PACS2: variants seen among roughly 807,000 people sequenced by gnomAD.
PACS2 encodes phosphofurin acidic cluster sorting protein 2.
Under a neutral mutation model 113.0 loss-of-function variants are expected in PACS2, and 36 were observed. The ratio of observed to expected loss-of-function variants is 0.32; its 90% CI spans 0.24 to 0.42. PACS2 has a LOEUF of 0.42. PACS2 is among the 10% of genes least tolerant of loss of function. PACS2 has a pLI of 1.00. For synonymous variants in PACS2, 589 were observed against 536.1 expected (o/e 1.10, Z -1.36); for missense variants, 1,015 against 1,239.5 (o/e 0.82, Z 2.72).
chr14:105,324,167 T>A lies in PACS2; in HGVS notation c.119+9130T>A, dbSNP rs1316056793. ...CTGCCCAGCATTCTCAGCATGCGTC[T>A]CAGGAAGGTTTGATGGAGTGGGCAG... On this transcript the variant is annotated intron_variant, in intron 1 of 24. Coordinates refer to ENST00000447393, the MANE Select transcript of PACS2 (RefSeq NM_001100913.3). This position sits in a 1 kb window ranked among gnomAD's most constrained non-coding sequence, Gnocchi z 4.7. Among the ~76,000 whole-genome samples the A allele has an allele frequency of 6.6e-6, 1 of 152,140 alleles. No homozygotes were observed. Among genetic ancestry groups the A allele is most frequent in the Non-Finnish European group, 1.5e-5 (1 of 68,020 alleles).
At chr14:105,325,044 C>T (rs1048254049) in intron 1 of PACS2, among the ~76,000 whole-genome samples, 1 of 152,126 alleles carries the variant, frequency 6.6e-6, no homozygotes, top group African/African-American at 2.4e-5. Flanking sequence ...CCTCAGCACC[C>T]CCTGGCCAAG....
intron 4 of PACS2, among the ~76,000 whole-genome samples, chr14:105,364,128 A>G (rs1269792523): frequency 4.7e-5 from 7 of 147,812 alleles, no homozygotes; most frequent in African/African-American, 1.9e-4. Context: ...AATTACCAAA[A>G]TGTGACACAG....
At chr14:105,352,814 C>A (rs1196878489) in intron 3 of PACS2, among the ~76,000 whole-genome samples, 1 of 123,966 alleles carries the variant, frequency 8.1e-6, no homozygotes, top group African/African-American at 3.1e-5. Context: ...ACGGGCCCCC[C>A]CATCACTGTC....
intron 1 of PACS2, among the ~76,000 whole-genome samples, chr14:105,316,679 C>T (rs1299647123): frequency 6.6e-6 from 1 of 152,046 alleles, no homozygotes; most frequent in Non-Finnish European, 1.5e-5. Flanking sequence ...GTCTAGAAAG[C>T]CCACTCTGGT....
At chr14:105,391,850 A>G (rs2081369719) in intron 22 of PACS2, 84 bp downstream of exon 22, 1 of 1,358,666 alleles carries the variant, frequency 7.4e-7, no homozygotes, top group Non-Finnish European at 9.9e-7. Context: ...CCTATGTCAC[A>G]TCCACCTCCC....
At chr14:105,318,241 C>T (rs918745778) in intron 1 of PACS2, among the ~76,000 whole-genome samples, 1 of 152,170 alleles carries the variant, frequency 6.6e-6, no homozygotes, top group Non-Finnish European at 1.5e-5. Context: ...CCTCGGCCTC[C>T]CGAAGTGCTG....
In PACS2 at chr14:105,314,968, A is replaced by T; in HGVS notation, c.50A>T (p.Asn17Ile). 8.2e-7 allele frequency: 1 copy of T among 1,223,330 alleles called. No homozygotes were observed. The highest frequency in any genetic ancestry group is 1.6e-5 in the African/African-American group (1 of 61,636). 75.8% of individuals were successfully genotyped at this position (1,223,330 alleles called of 1,614,324 possible). A position where few individuals can be genotyped will look rare whatever the true frequency, so the allele number is the denominator to read the frequency against. ...CTCCCCGGCGCGCCCGGCGCGCTCA[A>T]CACGCCCGTGCCCATGAACCTGTTC... is the stretch of plus-strand genomic sequence containing the variant. ...LGLPGAPGALNTPVPMNLFAT... is the reference protein window; with the variant it reads ...LGLPGAPGALITPVPMNLFAT... Residue 17 changes from asparagine to isoleucine, a missense_variant, in exon 1 of 25, where the codon AAC becomes ATC. Asn to Ile is a moderately radical substitution (Grantham distance 149). Coordinates refer to ENST00000447393, the MANE Select transcript of PACS2 (RefSeq NM_001100913.3).
rs1384541983 is a variant in PACS2, at chr14:105,392,912, C to A, written c.2482+67C>A. ...CGGCTCTGTGGGAGAGGGCGGCTCG[C>A]AGTCAACAGGGATGACAGCCCCCGG... On this transcript the variant is annotated intron_variant, in intron 23 of 24. Transcript: ENST00000447393. 4 of 1,294,076 alleles carry A rather than the reference C, an allele frequency of 3.1e-6. No individual in the cohort carries two copies. In the African/African-American group the frequency reaches 4.4e-5, roughly 14 times the overall value. 80.2% of individuals were successfully genotyped at this position (1,294,076 alleles called of 1,614,324 possible).
chr14:105,347,778 T>C (rs1335648366), intron 1 of PACS2, among the ~76,000 whole-genome samples: 1 of 151,988 alleles, frequency 6.6e-6, no homozygotes, highest in East Asian at 1.9e-4. Flanking sequence ...CATGGGTGGG[T>C]GGTGTGGGCA....
At chr14:105,308,994 GAA>G (rs1405740183) in intron 1 of PACS2, among the ~76,000 whole-genome samples, 1 of 151,906 alleles carries the variant, frequency 6.6e-6, no homozygotes, top group African/African-American at 2.4e-5. Flanking sequence ...GAAAAAAAAA[GAA>G]AAAGACAAAC....
chr14:105,303,264 G>A (rs1317899524), intron 1 of PACS2, among the ~76,000 whole-genome samples: 1 of 151,050 alleles, frequency 6.6e-6, no homozygotes, highest in Non-Finnish European at 1.5e-5. Context: ...TGTTTTTTGA[G>A]GTGGAGTCTC....
chr14:105,315,019 G>A lies in PACS2; in HGVS notation c.101G>A (p.Ser34Asn). Residue 34 changes from serine (S) to asparagine (N), a missense_variant, in exon 1 of 25, where the codon AGC becomes AAC. This residue lies in a region of PACS2 where 140 missense variants were observed against 135.1 expected (regional missense o/e 1.04). Coordinates refer to ENST00000447393, the MANE Select transcript of PACS2 (RefSeq NM_001100913.3). The surrounding 1 kb of genome is among the most constrained non-coding windows in gnomAD (Gnocchi z 4.4). Reference sequence around the variant, plus strand: ...GCCACCTGGGAGGTGGACGGCTCCAGCCCCAGCTGCGTGCCCAGGTACGCG... The same window carrying A: ...GCCACCTGGGAGGTGGACGGCTCCAACCCCAGCTGCGTGCCCAGGTACGCG... ...LFATWEVDGSSPSCVPRLCSL... is the reference protein window; with the variant it reads ...LFATWEVDGSNPSCVPRLCSL... The A allele has an allele frequency of 2.4e-6, 3 of 1,226,126 alleles. No homozygotes were observed. The highest frequency in any genetic ancestry group is 1.8e-5 in the South Asian group (1 of 54,882). The allele number at this position is 1,226,126 out of a possible 1,614,324, so 76.0% of individuals were successfully genotyped here.
upstream of PACS2, among the ~76,000 whole-genome samples, chr14:105,312,593 G>A (rs2058375686): frequency 6.6e-6 from 1 of 152,244 alleles, no homozygotes; most frequent in Admixed American, 6.5e-5. Flanking sequence ...ATAGCATGGG[G>A]AGGGATGCCT....
chr14:105,348,450 G>T lies in PACS2; in HGVS notation c.120-43G>T. 6.8e-7 allele frequency: 1 copy of T among 1,474,924 alleles called. No individual in the cohort carries two copies. Among genetic ancestry groups the T allele is most frequent in the Non-Finnish European group, 9.4e-7 (1 of 1,058,318 alleles). The allele number at this position is 1,474,924 out of a possible 1,614,324, so 91.4% of individuals were successfully genotyped here. A position where few individuals can be genotyped will look rare whatever the true frequency, so the allele number is the denominator to read the frequency against. ...GGACGGCACAGGGCCGCGTCCTGAG[G>T]AGAGGGCGGAGCCCCGAGGCTGAGC... is the stretch of plus-strand genomic sequence containing the variant. On this transcript the variant is annotated intron_variant, in intron 1 of 24. Coordinates refer to ENST00000447393, the MANE Select transcript of PACS2 (RefSeq NM_001100913.3). This position sits in a 1 kb window ranked among gnomAD's most constrained non-coding sequence, Gnocchi z 6.4.
rs1256722969 is a variant in PACS2, at chr14:105,309,016, CA to C, written c.-83+8041del. Among the ~76,000 whole-genome samples the C allele has an allele frequency of 6.6e-6, 1 of 152,040 alleles. No individual in the cohort carries two copies. The highest frequency in any genetic ancestry group is 1.5e-5 in the Non-Finnish European group (1 of 68,002). ...AAAGAAAAAGACAAACAAAACCTAA[CA>C]AAACCAGAAATCCATCCTGCACGAA... On this transcript the variant is annotated intron_variant, in intron 1 of 23. Transcript: ENST00000430725. The surrounding 1 kb of genome is among the most constrained non-coding windows in gnomAD (Gnocchi z 4.0).
rs1009355510 is a variant in PACS2 at position 105,354,949 on chromosome 14, G to T, written c.298-103G>T. On this transcript the variant is annotated intron_variant, in intron 3 of 24. Coordinates refer to ENST00000447393, the MANE Select transcript of PACS2 (RefSeq NM_001100913.3). This position sits in a 1 kb window ranked among gnomAD's most constrained non-coding sequence, Gnocchi z 4.2. ...GCCCTTCCGATCTCATGGGCAGCAG[G>T]TTGGCCTGGTCGCAGGCTGCAGGGT... 5.4e-5 allele frequency: 65 copies of T among 1,199,980 alleles called. No homozygotes were observed. In the African/African-American group the frequency reaches 8.9e-4, roughly 16 times the overall value. The allele number at this position is 1,199,980 out of a possible 1,614,324, so 74.3% of individuals were successfully genotyped here.
At position 105,323,352 on chromosome 14, in the gene PACS2, C is replaced by A. The variant is rs1295395799; in HGVS notation, c.119+8315C>A. Among the ~76,000 whole-genome samples the A allele has an allele frequency of 6.6e-6, 1 of 152,212 alleles. No homozygotes were observed. The highest frequency in any genetic ancestry group is 2.4e-5 in the African/African-American group (1 of 41,450). Reference sequence around the variant, plus strand: ...GTCAGTGGGCGGCGGCTGGCTGGGGCAGTAGCCTGTCTCCAGCCCTTCCCC... The same window carrying A: ...GTCAGTGGGCGGCGGCTGGCTGGGGAAGTAGCCTGTCTCCAGCCCTTCCCC... On this transcript the variant is annotated intron_variant, in intron 1 of 24. Transcript: ENST00000447393. The surrounding 1 kb of genome is among the most constrained non-coding windows in gnomAD (Gnocchi z 4.1).
intron 9 of PACS2, among the ~76,000 whole-genome samples, chr14:105,377,285 G>C (rs587653432): frequency 6.6e-6 from 1 of 152,286 alleles, no homozygotes; most frequent in Non-Finnish European, 1.5e-5. Flanking sequence ...CGTTCACTCA[G>C]GTGGGGAGTA....
intron 20 of PACS2, 101 bp downstream of exon 20, chr14:105,390,104 T>C: frequency 9.7e-7 from 1 of 1,036,002 alleles, no homozygotes; most frequent in South Asian, 1.3e-5. Context: ...TTCCAGAACC[T>C]TCCCACAGAT....
Sources: allele counts gnomAD v4.1 joint callset (sites outside exome capture counted in the v4.1 genomes callset), GRCh38; gene constraint gnomAD v4.1.1; regional missense constraint gnomAD v4.1.1; non-coding constraint Gnocchi (gnomAD v3.1); transcripts MANE v1.5; gene names NCBI Gene and HGNC (gene_info 2026-07-23, HGNC 2026-07-21).